The following FOXP2 variants were observed in gnomAD, a reference collection of about 807,000 sequenced individuals.
FOXP2 encodes the protein forkhead box protein P2.
Under a neutral mutation model 115.8 loss-of-function variants are expected in FOXP2, and 12 were observed. The observed-to-expected ratio is 0.10, with a 90% CI of 0.07 to 0.17. FOXP2 has a LOEUF of 0.17. Among genes scored for constraint, FOXP2 ranks in the 10% least tolerant of loss-of-function variants. The pLI is 1.00. For missense variants in FOXP2, 629 were observed against 843.5 expected, an observed-to-expected ratio of 0.75 and a Z score of 3.15; for synonymous variants, 328 against 297.7, an observed-to-expected ratio of 1.10 and a Z score of -1.05.
At chr7:114,573,620 A>T (rs1325589273) in intron 3 of FOXP2, among the ~76,000 whole-genome samples, 2 of 151,166 alleles carry the variant, frequency 1.3e-5, no homozygotes. Flanking sequence ...TTAATGTCAC[A>T]CATATTATTT....
intron 2 of FOXP2, among the ~76,000 whole-genome samples, chr7:114,511,530 A>C (rs1244019693): frequency 2.2e-4 from 33 of 152,196 alleles, no homozygotes; most frequent in Non-Finnish European, 4.4e-5. Context: ...AGAGCCAAAG[A>C]CTAGCCAGAT....
intron 2 of FOXP2, among the ~76,000 whole-genome samples, chr7:114,308,659 T>C (rs1797072134): frequency 6.6e-6 from 1 of 152,186 alleles, no homozygotes; most frequent in South Asian, 2.1e-4. Flanking sequence ...ACAATCCAGA[T>C]GCCTGTGGAA....
intron 1 of FOXP2, among the ~76,000 whole-genome samples, chr7:114,245,173 A>T (rs1311045223): frequency 6.6e-6 from 1 of 152,062 alleles, no homozygotes; most frequent in Non-Finnish European, 1.5e-5. Context: ...CCAGTTTAAG[A>T]TTTCTTGCCT....
intron 2 of FOXP2, among the ~76,000 whole-genome samples, chr7:114,480,315 A>G (rs1237681244): frequency 6.6e-6 from 1 of 151,634 alleles, no homozygotes; most frequent in Non-Finnish European, 1.5e-5. Context: ...TACATTTTTA[A>G]AGAGTTAAAG....
chr7:114,427,236 A>G (rs1295319183), intron 2 of FOXP2, among the ~76,000 whole-genome samples: 2 of 151,692 alleles, frequency 1.3e-5, no homozygotes, highest in South Asian at 2.1e-4. Flanking sequence ...TTGAATATAC[A>G]TCTTTCAATA....
chr7:114,530,654 G>T lies in FOXP2; in HGVS notation c.169-3963G>T, dbSNP rs184826753. Among the ~76,000 whole-genome samples, 415 of 151,882 alleles carry T rather than the reference G, an allele frequency of 2.7e-3. 3 individuals are homozygous for T. Among genetic ancestry groups the T allele is most frequent in the African/African-American group, 9.6e-3 (399 of 41,512 alleles). ...TTTCAGTGTTCTTCAGTGGAAAAAA[G>T]TATTTATCTGGCAGGTTACAAAGCA... is the stretch of plus-strand genomic sequence containing the variant. On this transcript the variant is annotated intron_variant, in intron 2 of 16. Transcript: ENST00000350908.
chr7:114,232,954 A>G (rs1794922154), intron 1 of FOXP2, among the ~76,000 whole-genome samples: 1 of 152,234 alleles, frequency 6.6e-6, no homozygotes, highest in Admixed American at 6.5e-5. Context: ...TATATGAGGT[A>G]TCTAAAGTAG....
intron 1 of FOXP2, among the ~76,000 whole-genome samples, chr7:114,222,859 G>T (rs1794658677): frequency 6.6e-6 from 1 of 152,054 alleles, no homozygotes; most frequent in East Asian, 1.9e-4. Context: ...AATCTTTTTG[G>T]CCACTCATAA....
chr7:114,588,465 T>C (rs1802263871), intron 3 of FOXP2, among the ~76,000 whole-genome samples: 1 of 152,194 alleles, frequency 6.6e-6, no homozygotes, highest in Non-Finnish European at 1.5e-5. Flanking sequence ...TTTTATAATT[T>C]TTATTTTTTT....
chr7:114,444,529 C>T (rs1165756539), intron 2 of FOXP2, among the ~76,000 whole-genome samples: 1 of 152,134 alleles, frequency 6.6e-6, no homozygotes, highest in African/African-American at 2.4e-5. Flanking sequence ...CTTATCCTTT[C>T]TTTCTCACTA....
At chr7:114,257,882 T>G (rs1191215691) in intron 1 of FOXP2, among the ~76,000 whole-genome samples, 1 of 152,192 alleles carries the variant, frequency 6.6e-6, no homozygotes, top group Non-Finnish European at 1.5e-5. Context: ...ATGCTTTGTA[T>G]GCTTAAAGAA....
chr7:114,636,437 G>A, intron 6 of FOXP2, among the ~76,000 whole-genome samples: 1 of 152,104 alleles, frequency 6.6e-6, no homozygotes, highest in Non-Finnish European at 1.5e-5. Context: ...TAATACAAAT[G>A]TTTCTACCAA....
At chr7:114,254,089 ATTCTT>A (rs1436721260) in intron 1 of FOXP2, among the ~76,000 whole-genome samples, 10 of 152,126 alleles carry the variant, frequency 6.6e-5, no homozygotes, top group African/African-American at 2.4e-4. Flanking sequence ...TGGGTTGAAA[ATTCTT>A]TTCTTTAAGA....
At chr7:114,150,290 T>C (rs553681391) in intron 1 of FOXP2, among the ~76,000 whole-genome samples, 1 of 152,174 alleles carries the variant, frequency 6.6e-6, no homozygotes, top group Admixed American at 6.6e-5. Flanking sequence ...TGTGCAGTTT[T>C]ATAATTGATA....
chr7:114,300,189 G>C (rs1796845381), intron 2 of FOXP2, among the ~76,000 whole-genome samples: 1 of 152,126 alleles, frequency 6.6e-6, no homozygotes, highest in African/African-American at 2.4e-5. Flanking sequence ...TAGGCAATTA[G>C]ATATATAGAT....
chr7:114,360,220 C>T (rs1036160110), intron 2 of FOXP2, among the ~76,000 whole-genome samples: 1 of 152,146 alleles, frequency 6.6e-6, no homozygotes, highest in African/African-American at 2.4e-5. Context: ...TACCTTTGCT[C>T]CTCCTTTGCC....
intron 16 of FOXP2, among the ~76,000 whole-genome samples, chr7:114,674,175 TGTA>T (rs1332346371): frequency 6.6e-6 from 1 of 152,234 alleles, no homozygotes. Flanking sequence ...TGTAAGTGGC[TGTA>T]GTTTTTAGAA....
chr7:114,404,623 G>T (rs1420514180), intron 2 of FOXP2, among the ~76,000 whole-genome samples: 1 of 151,970 alleles, frequency 6.6e-6, no homozygotes, highest in Non-Finnish European at 1.5e-5. Context: ...TAAAATTAAG[G>T]TTTTTTCTTT....
At chr7:114,538,284 A>G in intron 3 of FOXP2, 1 of 1,229,764 alleles carries the variant, frequency 8.1e-7, no homozygotes, top group Non-Finnish European at 1.1e-6. Flanking sequence ...TTTAGTTTAG[A>G]TATGAAAATT....
Sources: allele counts gnomAD v4.1 joint callset (sites outside exome capture counted in the v4.1 genomes callset), GRCh38; gene constraint gnomAD v4.1.1; transcripts MANE v1.5; gene names NCBI Gene and HGNC (gene_info 2026-07-23, HGNC 2026-07-21).